Variants in CSMD1 observed in about 807,000 individuals in gnomAD.
CSMD1 encodes the protein CUB and sushi domain-containing protein 1.
CSMD1 carries 213 observed loss-of-function variants against 417.5 expected under a neutral mutation model. The observed-to-expected ratio is 0.51, with a 90% CI of 0.46 to 0.57. The LOEUF (loss-of-function observed/expected upper bound fraction) is 0.57. CSMD1 is among the 20% of genes least tolerant of loss of function. The pLI, the probability that CSMD1 is intolerant of heterozygous loss-of-function variation, is 0.00. For missense variants in CSMD1, 6,923 were observed against 4,529.7 expected, an observed-to-expected ratio of 1.53 and a Z score of -15.17; for synonymous variants, 2,862 against 1,736.8, an observed-to-expected ratio of 1.65 and a Z score of -16.11.
At chr8:3,532,380 G>A (rs747721086) in intron 10 of CSMD1, among the ~76,000 whole-genome samples, 4 of 152,152 alleles carry the variant, frequency 2.6e-5, no homozygotes, top group Non-Finnish European at 5.9e-5. Context: ...GTGTGTGTAT[G>A]AGCGAGTGGT....
intron 3 of CSMD1, among the ~76,000 whole-genome samples, chr8:4,339,468 A>G (rs949086165): frequency 1.3e-5 from 2 of 152,132 alleles, no homozygotes; most frequent in Admixed American, 1.3e-4. Flanking sequence ...AGCTACCGCG[A>G]AATGAGATAC....
At chr8:3,562,403 C>CACACACGT (rs1409636271) in intron 10 of CSMD1, among the ~76,000 whole-genome samples, 17 of 142,874 alleles carry the variant, frequency 1.2e-4, no homozygotes, top group Non-Finnish European at 2.7e-4. Flanking sequence ...CACATGCATA[C>CACACACGT]ACACACATGC....
intron 1 of CSMD1, among the ~76,000 whole-genome samples, chr8:4,829,972 A>T (rs370933238): frequency 1.3e-5 from 2 of 152,116 alleles, no homozygotes; most frequent in East Asian, 3.9e-4. Flanking sequence ...TTGCTTACAA[A>T]CATATCGGAC....
chr8:4,409,228 G>A (rs958002998), intron 3 of CSMD1, among the ~76,000 whole-genome samples: 9 of 152,134 alleles, frequency 5.9e-5, no homozygotes, highest in Admixed American at 3.9e-4. Flanking sequence ...GATGAAATTC[G>A]AATGCATTTT....
intron 3 of CSMD1, among the ~76,000 whole-genome samples, chr8:4,161,754 G>C (rs1031133001): frequency 2.6e-5 from 4 of 152,132 alleles, no homozygotes; most frequent in African/African-American, 9.7e-5. Context: ...TCTGGAACCA[G>C]TTTCAAGGAA....
chr8:4,874,388 ATTTT>A (rs3038302), intron 1 of CSMD1, among the ~76,000 whole-genome samples: 1 of 133,526 alleles, frequency 7.5e-6, no homozygotes, highest in South Asian at 2.3e-4. Flanking sequence ...ATCCGATTGT[ATTTT>A]TTTTTTTTTT....
intron 5 of CSMD1, among the ~76,000 whole-genome samples, chr8:3,792,534 T>G (rs1169848821): frequency 1.3e-5 from 2 of 152,184 alleles, no homozygotes; most frequent in Admixed American, 1.3e-4. Flanking sequence ...CACAATTGAT[T>G]TATTTTTCAG....
At chr8:4,755,106 C>G (rs1811588896) in intron 1 of CSMD1, among the ~76,000 whole-genome samples, 2 of 152,274 alleles carry the variant, frequency 1.3e-5, no homozygotes, top group South Asian at 2.1e-4. Context: ...CCACTGCACT[C>G]CAGCCTGGTG....
chr8:4,433,069 A>G lies in CSMD1; in HGVS notation c.303-13004T>C, dbSNP rs1021542182. Among the ~76,000 whole-genome samples, 5 of 152,246 alleles carry G rather than the reference A, an allele frequency of 3.3e-5. No individual in the cohort carries two copies. In the East Asian group the frequency reaches 7.7e-4, roughly 24 times the overall value. On this transcript the variant is annotated intron_variant, in intron 2 of 69. Coordinates refer to ENST00000635120, the MANE Select transcript of CSMD1 (RefSeq NM_033225.6). ...GGATCGAGGTTGCACACTCTTTATAACTATCCAATGCCTGATGATCTGTCA... is the reference window on the plus strand; with the variant it reads ...GGATCGAGGTTGCACACTCTTTATAGCTATCCAATGCCTGATGATCTGTCA...
chr8:3,612,577 T>C (rs1344417062), intron 8 of CSMD1, among the ~76,000 whole-genome samples: 1 of 152,150 alleles, frequency 6.6e-6, no homozygotes, highest in Non-Finnish European at 1.5e-5. Flanking sequence ...TATCAAAACA[T>C]TTTTTAAAGT....
intron 51 of CSMD1, among the ~76,000 whole-genome samples, chr8:3,025,155 T>TGTGTATTGTGTGGTGTTATTCTGATACC (rs1809767884): frequency 6.8e-6 from 1 of 147,020 alleles, no homozygotes; most frequent in Non-Finnish European, 1.5e-5. Context: ...ATTCTGAAAC[T>TGTGTATTGTGTGGTGTTATTCTGATACC]GTGTATTGTG....
At chr8:4,185,543 C>T (rs11136710) in intron 3 of CSMD1, among the ~76,000 whole-genome samples, 4 of 152,010 alleles carry the variant, frequency 2.6e-5, no homozygotes, top group Admixed American at 2.6e-4. Flanking sequence ...GAGAAACATG[C>T]GCTAATTTTT....
chr8:4,953,388 CA>C (rs1368007650), intron 1 of CSMD1, among the ~76,000 whole-genome samples: 1 of 152,094 alleles, frequency 6.6e-6, no homozygotes, highest in Admixed American at 6.6e-5. Context: ...ACTATGCGAT[CA>C]ACACATGTAA....
intron 2 of CSMD1, among the ~76,000 whole-genome samples, chr8:4,599,469 G>A (rs1800467648): frequency 6.6e-6 from 1 of 151,628 alleles, no homozygotes; most frequent in South Asian, 2.1e-4. Context: ...CAGAGTGGAA[G>A]CTCAAATTTG....
intron 3 of CSMD1, among the ~76,000 whole-genome samples, chr8:4,406,933 G>C (rs1441256598): frequency 6.6e-6 from 1 of 152,142 alleles, no homozygotes; most frequent in Non-Finnish European, 1.5e-5. Flanking sequence ...ACAAGACCAA[G>C]CTGACTTAAA....
At chr8:3,400,076 T>A (rs1030884750) in intron 15 of CSMD1, among the ~76,000 whole-genome samples, 1 of 152,202 alleles carries the variant, frequency 6.6e-6, no homozygotes, top group Non-Finnish European at 1.5e-5. Flanking sequence ...AGAATTAGAC[T>A]GCATTGAACC....
At chr8:3,012,188 A>G (rs2128963643) in intron 52 of CSMD1, among the ~76,000 whole-genome samples, 1 of 152,346 alleles carries the variant, frequency 6.6e-6, no homozygotes, top group South Asian at 2.1e-4. Context: ...ATCTATTTAC[A>G]ATGATATTTA....
intron 23 of CSMD1, among the ~76,000 whole-genome samples, chr8:3,324,208 CA>C (rs1385050218): frequency 5.1e-4 from 60 of 117,630 alleles, no homozygotes; most frequent in African/African-American, 1.8e-3. Flanking sequence ...TTAAAATAGA[CA>C]CACACCCAAC....
chr8:4,134,097 T>G lies in CSMD1; in HGVS notation c.416-101998A>C, dbSNP rs576824579. ...TTATTATAAGATTATCAACTCAACATCAATATTGCTGGTATAAGAATATCA... is the reference window on the plus strand; with the variant it reads ...TTATTATAAGATTATCAACTCAACAGCAATATTGCTGGTATAAGAATATCA... On this transcript the variant is annotated intron_variant, in intron 3 of 69. Transcript: ENST00000635120. Among the ~76,000 whole-genome samples, 10 of 152,334 alleles carry G rather than the reference T, an allele frequency of 6.6e-5. No individual in the cohort carries two copies. In the South Asian group the frequency reaches 2.1e-3, roughly 32 times the overall value.
Sources: allele counts gnomAD v4.1 joint callset (sites outside exome capture counted in the v4.1 genomes callset), GRCh38; gene constraint gnomAD v4.1.1; transcripts MANE v1.5; gene names NCBI Gene and HGNC (gene_info 2026-07-23, HGNC 2026-07-21).